BICD1: variants seen among roughly 807,000 people sequenced by gnomAD.
BICD1 encodes protein bicaudal D homolog 1.
In BICD1, 35 loss-of-function variants were observed where a neutral mutation model predicts 92.5. The ratio of observed to expected loss-of-function variants is 0.38; its 90% CI spans 0.29 to 0.50. The LOEUF is 0.50. Ranked by LOEUF, BICD1 falls within the 20% of genes least tolerant of loss-of-function variation. The pLI is 0.93. For synonymous variants in BICD1, 429 were observed against 465.1 expected, an observed-to-expected ratio of 0.92 and a Z score of 1.00; for missense variants, 950 against 1,189.8, an observed-to-expected ratio of 0.80 and a Z score of 2.97.
At position 32,287,543 on chromosome 12, in the gene BICD1, G is replaced by GTT. The variant is rs1270593249; in HGVS notation, c.427-6441_427-6440dup. ...TCAGCTGGGTGGTGTTTTTTTTTTT[G>GTT]TTTTTTTTTTTGAGATGGAGTCTGT... is the stretch of plus-strand genomic sequence containing the variant. On this transcript the variant is annotated intron_variant, in intron 2 of 9. Coordinates refer to ENST00000652176, the MANE Select transcript of BICD1 (RefSeq NM_001714.4). Among the ~76,000 whole-genome samples the GTT allele has an allele frequency of 1.3e-3, 178 of 136,012 alleles. 2 individuals carry two copies. The highest frequency in any genetic ancestry group is 4.7e-3 in the African/African-American group (166 of 35,616). The allele number at this position is 136,012 out of a possible 152,430, so 89.2% of individuals were successfully genotyped here.
At chr12:32,202,587 G>C (rs1389942850) in intron 1 of BICD1, among the ~76,000 whole-genome samples, 1 of 152,074 alleles carries the variant, frequency 6.6e-6, no homozygotes, top group Non-Finnish European at 1.5e-5. Context: ...TTATGATGCA[G>C]ATATTTCAAA....
intron 1 of BICD1, among the ~76,000 whole-genome samples, chr12:32,192,248 G>A (rs578215834): frequency 1.3e-5 from 2 of 152,104 alleles, no homozygotes; most frequent in East Asian, 1.9e-4. Flanking sequence ...TGGCTAACAT[G>A]GTGAAACCCC....
intron 8 of BICD1, chr12:32,339,868 T>G: frequency 2.1e-6 from 2 of 958,486 alleles, no homozygotes; most frequent in Non-Finnish European, 2.5e-6. Context: ...CATCAGTATT[T>G]CTGGCCTCTT....
At chr12:32,340,816 A>G (rs572444134) in intron 8 of BICD1, 26 of 153,160 alleles carry the variant, frequency 1.7e-4, no homozygotes, top group Non-Finnish European at 3.5e-4. Flanking sequence ...CTTCTTGTCC[A>G]CTGAGGTAGT....
chr12:32,244,207 C>G (rs767893732), intron 2 of BICD1, among the ~76,000 whole-genome samples: 22 of 152,064 alleles, frequency 1.4e-4, no homozygotes, highest in Admixed American at 7.9e-4. Flanking sequence ...ACAAGATAGC[C>G]AATAATACCT....
At chr12:32,107,916 C>A (rs1299191650) in intron 1 of BICD1, 2 of 562,914 alleles carry the variant, frequency 3.6e-6, no homozygotes, top group African/African-American at 1.9e-5. Context: ...TCGTAGTCCA[C>A]AAAAGTGATG....
chr12:32,269,812 G>T (rs879895469), intron 2 of BICD1, among the ~76,000 whole-genome samples: 4 of 152,002 alleles, frequency 2.6e-5, no homozygotes, highest in African/African-American at 9.7e-5. Context: ...AATATCTCGG[G>T]TCCCACACAT....
At chr12:32,213,163 A>G (rs975021756) in intron 1 of BICD1, among the ~76,000 whole-genome samples, 2 of 152,188 alleles carry the variant, frequency 1.3e-5, no homozygotes, top group African/African-American at 4.8e-5. Context: ...TCCAATCTAG[A>G]ATCCCATACA....
At chr12:32,345,577 A>T (rs565492080) in intron 8 of BICD1, among the ~76,000 whole-genome samples, 1 of 152,294 alleles carries the variant, frequency 6.6e-6, no homozygotes, top group Admixed American at 6.5e-5. Context: ...GACATTATGC[A>T]TGCCGGTTTT....
intron 2 of BICD1, among the ~76,000 whole-genome samples, chr12:32,233,029 T>G (rs1192796320): frequency 6.6e-6 from 1 of 152,194 alleles, no homozygotes; most frequent in Non-Finnish European, 1.5e-5. Flanking sequence ...AAATGGCAAC[T>G]CTGGCACTGA....
rs779598814 is a variant in BICD1, at chr12:32,328,297, T to G, written c.1842T>G (p.Asp614Glu). The change falls in exon 5 of 10, where the codon GAT becomes GAG. Residue 614 changes from aspartate to glutamate, a missense_variant. Asp to Glu is a conservative substitution (Grantham distance 45). Transcript: ENST00000652176. This position sits in a 1 kb window ranked among gnomAD's most constrained non-coding sequence, Gnocchi z 4.4. The stretch of plus-strand genomic sequence containing the variant: ...CCCCACCGTCATCTCCAGTATTGGA[T>G]ACAAGTGACATCCGCAAAGAGCCAA... ...ITAPPSSPVL[D>E]TSDIRKEPMN... 7.4e-6 allele frequency: 12 copies of G among 1,614,192 alleles called. No homozygotes were observed. In the East Asian group the frequency reaches 2.5e-4, roughly 33 times the overall value.
chr12:32,374,365 T>C (rs959536607), intron 9 of BICD1, among the ~76,000 whole-genome samples: 1 of 151,864 alleles, frequency 6.6e-6, no homozygotes, highest in Non-Finnish European at 1.5e-5. Context: ...ACAGCACGTA[T>C]AGTAAAATTG....
At chr12:32,324,848 G>T (rs1948739749) in intron 4 of BICD1, among the ~76,000 whole-genome samples, 1 of 152,074 alleles carries the variant, frequency 6.6e-6, no homozygotes, top group African/African-American at 2.4e-5. Context: ...AAAGTGCTGG[G>T]ATTACAGGCA....
rs1938180368 is a variant in BICD1 at position 32,337,524 on chromosome 12, G to C, written c.2278G>C (p.Asp760His). 3.7e-6 allele frequency: 6 copies of C among 1,612,108 alleles called. No homozygotes were observed. The highest frequency in any genetic ancestry group is 5.1e-6 in the Non-Finnish European group (6 of 1,178,366). ...TRCDEYVTQL[D>H]EMQRQLAAAE... ...ATGTGATGAATATGTCACCCAGTTG[G>C]ATGAGATGCAGAGACAGTTAGCAGC... The change falls in exon 7 of 10, where the codon GAT becomes CAT. Residue 760 changes from aspartate (D) to histidine (H), a missense_variant. Physicochemically the swap from Asp to His is moderately conservative, Grantham distance 81 (BLOSUM62 -1). Coordinates refer to ENST00000652176, the MANE Select transcript of BICD1 (RefSeq NM_001714.4). This position sits in a 1 kb window ranked among gnomAD's most constrained non-coding sequence, Gnocchi z 4.7.
At chr12:32,208,282 T>G in intron 1 of BICD1, among the ~76,000 whole-genome samples, 1 of 152,252 alleles carries the variant, frequency 6.6e-6, no homozygotes, top group East Asian at 1.9e-4. Context: ...GTCTTTCTGC[T>G]AATAATAGCC....
At chr12:32,300,264 G>C (rs1323929149) in intron 3 of BICD1, among the ~76,000 whole-genome samples, 1 of 151,978 alleles carries the variant, frequency 6.6e-6, no homozygotes, top group African/African-American at 2.4e-5. Flanking sequence ...ACCATGCCTG[G>C]CTAATTTTCT....
At chr12:32,335,288 A>T (rs974462303) in intron 6 of BICD1, among the ~76,000 whole-genome samples, 1 of 151,674 alleles carries the variant, frequency 6.6e-6, no homozygotes, top group Non-Finnish European at 1.5e-5. Context: ...GTAGCTGGGA[A>T]TACAGGCACC....
In BICD1 at chr12:32,328,614, C is replaced by G. The variant is rs2136263494; in HGVS notation, c.2100+59C>G. The G allele has an allele frequency of 6.5e-7, 1 of 1,545,576 alleles. No individual in the cohort carries two copies. Among genetic ancestry groups the G allele is most frequent in the Non-Finnish European group, 8.7e-7 (1 of 1,146,956 alleles). On this transcript the variant is annotated intron_variant, in intron 5 of 9. Transcript: ENST00000652176. This position sits in a 1 kb window ranked among gnomAD's most constrained non-coding sequence, Gnocchi z 4.4. ...CAAAGCTTTCTTAACTAATTTATTC[C>G]CTAATTTTATTGAGTATCGAGTATC... is the stretch of plus-strand genomic sequence containing the variant.
At chr12:32,173,053 T>TG (rs1000955827) in intron 1 of BICD1, among the ~76,000 whole-genome samples, 1 of 140,896 alleles carries the variant, frequency 7.1e-6, no homozygotes, top group African/African-American at 2.4e-5. Context: ...GAGTTTTTTT[T>TG]TTTGTTTTTT....
Sources: gnomAD v4.1 joint callset for allele counts (sites outside exome capture counted in the v4.1 genomes callset) on GRCh38, gnomAD v4.1.1 for gene constraint, Gnocchi (gnomAD v3.1) non-coding constraint, MANE v1.5 for transcripts, NCBI Gene and HGNC (gene_info 2026-07-23, HGNC 2026-07-21) for gene names.